DNAI1: variants seen among roughly 807,000 people sequenced by gnomAD.
DNAI1 encodes the protein dynein axonemal intermediate chain 1.
In DNAI1, 67 loss-of-function variants were observed where a neutral mutation model predicts 92.0. The observed-to-expected ratio is 0.73, with a 90% CI of 0.60 to 0.89. DNAI1 has a LOEUF of 0.89. Among genes scored for constraint, DNAI1 ranks in the 40% least tolerant of loss-of-function variants. The pLI is 0.00. For synonymous variants in DNAI1, 323 were observed against 319.6 expected (o/e 1.01, Z -0.11); for missense variants, 839 against 866.6 (o/e 0.97, Z 0.40).
rs1194969678 is a variant in DNAI1, at chr9:34,458,848, A to C, written c.-158A>C. ...TCAGGGAGTTGGATTCTATCCTGCA[A>C]GGGCACGGGGACCCACAACGACGGC... On this transcript the variant is annotated 5_prime_UTR_variant, in exon 1 of 20. Coordinates refer to ENST00000242317, the MANE Select transcript of DNAI1 (RefSeq NM_012144.4). The surrounding 1 kb of genome is among the most constrained non-coding windows in gnomAD (Gnocchi z 6.6). 5 of 719,198 alleles carry C rather than the reference A, an allele frequency of 7.0e-6. No individual in the cohort carries two copies. 44.6% of individuals were successfully genotyped at this position (719,198 alleles called of 1,614,324 possible).
chr9:34,469,281 T>A (rs2132043219), intron 1 of DNAI1, among the ~76,000 whole-genome samples: 1 of 148,536 alleles, frequency 6.7e-6, no homozygotes, highest in African/African-American at 2.5e-5. Flanking sequence ...TTTTTTTTTT[T>A]TTGAGACAAG....
intron 10 of DNAI1, among the ~76,000 whole-genome samples, chr9:34,500,520 C>T (rs1298648222): frequency 1.3e-5 from 2 of 152,154 alleles, no homozygotes; most frequent in East Asian, 3.9e-4. Flanking sequence ...TACTATGTGC[C>T]AGGCATTTTT....
intron 1 of DNAI1, among the ~76,000 whole-genome samples, chr9:34,477,904 G>GTCTC (rs753773420): frequency 2.9e-5 from 3 of 102,124 alleles, no homozygotes; most frequent in African/African-American, 3.9e-5. Context: ...CCAAGACCCT[G>GTCTC]TCTCTCTCTC....
intron 19 of DNAI1, among the ~76,000 whole-genome samples, chr9:34,519,809 G>C (rs184411836): frequency 4.7e-4 from 72 of 152,298 alleles, no homozygotes; most frequent in Admixed American, 9.8e-4. Context: ...GGAGCACAGC[G>C]AAGGCAGGAA....
At chr9:34,505,421 A>G (rs748539050) in intron 12 of DNAI1, among the ~76,000 whole-genome samples, 4 of 152,190 alleles carry the variant, frequency 2.6e-5, no homozygotes, top group Non-Finnish European at 4.4e-5. Flanking sequence ...GTCTACCCAG[A>G]TAATCCAGGA....
chr9:34,465,466 G>C (rs1824020777), intron 1 of DNAI1, among the ~76,000 whole-genome samples: 1 of 152,204 alleles, frequency 6.6e-6, no homozygotes, highest in South Asian at 2.1e-4. Flanking sequence ...AATTCCTTCT[G>C]GAAGTGATAA....
intron 9 of DNAI1, among the ~76,000 whole-genome samples, chr9:34,496,026 C>T (rs1111457): frequency 0.2 from 29,757 of 152,104 alleles, 3,444 homozygotes; most frequent in African/African-American, 0.33. Flanking sequence ...CACTACTCTG[C>T]ATGTTTCCTC....
chr9:34,510,538 C>A (rs538313522), intron 13 of DNAI1, among the ~76,000 whole-genome samples: 1 of 152,132 alleles, frequency 6.6e-6, no homozygotes, highest in African/African-American at 2.4e-5. Context: ...ACCTCACTTA[C>A]CACCCTCCCT....
At chr9:34,509,726 G>A (rs1218780475) in intron 13 of DNAI1, among the ~76,000 whole-genome samples, 2 of 152,032 alleles carry the variant, frequency 1.3e-5, no homozygotes, top group Non-Finnish European at 2.9e-5. Flanking sequence ...AGCTGGTGGG[G>A]TAGCAAAATC....
chr9:34,518,745 C>A (rs1300070735), intron 19 of DNAI1, among the ~76,000 whole-genome samples: 1 of 152,220 alleles, frequency 6.6e-6, no homozygotes, highest in Non-Finnish European at 1.5e-5. Context: ...ACAGCCATGA[C>A]ACCATGAGGG....
At chr9:34,470,012 G>T (rs376491160) in intron 1 of DNAI1, among the ~76,000 whole-genome samples, 2 of 152,244 alleles carry the variant, frequency 1.3e-5, no homozygotes, top group East Asian at 3.8e-4. Flanking sequence ...GGATGAAGTA[G>T]TGGTGGTAAA....
At chr9:34,500,059 T>C (rs1204179462) in intron 10 of DNAI1, among the ~76,000 whole-genome samples, 1 of 152,096 alleles carries the variant, frequency 6.6e-6, no homozygotes, top group Non-Finnish European at 1.5e-5. Context: ...GAGAAGCGAA[T>C]GAATTAAAAA....
chr9:34,493,616 C>A (rs571338079), intron 9 of DNAI1, among the ~76,000 whole-genome samples: 1 of 152,094 alleles, frequency 6.6e-6, no homozygotes, highest in East Asian at 1.9e-4. Context: ...GCACTATATG[C>A]CTTCTGGAAG....
At chr9:34,462,209 T>G (rs1212278711) in intron 1 of DNAI1, among the ~76,000 whole-genome samples, 1 of 152,206 alleles carries the variant, frequency 6.6e-6, no homozygotes. Flanking sequence ...TCACCATTTC[T>G]CTATGAAAAT....
chr9:34,470,682 T>C (rs1055683068), intron 1 of DNAI1, among the ~76,000 whole-genome samples: 1 of 152,258 alleles, frequency 6.6e-6, no homozygotes, highest in African/African-American at 2.4e-5. Flanking sequence ...TATTTTAACA[T>C]TATTCTCTCA....
chr9:34,471,340 G>A (rs978216008), intron 1 of DNAI1, among the ~76,000 whole-genome samples: 4 of 151,344 alleles, frequency 2.6e-5, no homozygotes, highest in African/African-American at 7.3e-5. Context: ...TGGGAGGGTC[G>A]CTTAAGCCCA....
chr9:34,492,535 T>TCTATAGA (rs1425684909), intron 8 of DNAI1, among the ~76,000 whole-genome samples: 1 of 131,866 alleles, frequency 7.6e-6, no homozygotes, highest in African/African-American at 2.8e-5. Context: ...TATATATATA[T>TCTATAGA]TTGAGACAAG....
At chr9:34,507,171 G>T (rs1253352655) in intron 13 of DNAI1, among the ~76,000 whole-genome samples, 15 of 152,128 alleles carry the variant, frequency 9.9e-5, no homozygotes, top group Non-Finnish European at 1.5e-5. Context: ...TAGCTGGAAG[G>T]CTCCAGGGCC....
intron 4 of DNAI1, chr9:34,488,498 G>T (rs376151851): frequency 1.3e-5 from 2 of 153,128 alleles, no homozygotes; most frequent in Non-Finnish European, 2.9e-5. Flanking sequence ...TGAGTTTACC[G>T]TAGTGTGCCA....
Sources: gnomAD v4.1 joint callset for allele counts (sites outside exome capture counted in the v4.1 genomes callset) on GRCh38, gnomAD v4.1.1 for gene constraint, Gnocchi (gnomAD v3.1) non-coding constraint, MANE v1.5 for transcripts, NCBI Gene and HGNC (gene_info 2026-07-23, HGNC 2026-07-21) for gene names.